TRHDE: variants seen among roughly 807,000 people sequenced by gnomAD.
The protein encoded by TRHDE is thyrotropin releasing hormone degrading enzyme, also known as thyrotropin-releasing hormone-degrading ectoenzyme.
A neutral mutation model predicts 125.7 loss-of-function variants in TRHDE; 72 were observed. The observed-to-expected ratio is 0.57, with a 90% CI of 0.47 to 0.70. TRHDE has a LOEUF of 0.70. Ranked by LOEUF, TRHDE falls within the 30% of genes least tolerant of loss-of-function variation. The pLI, the probability that TRHDE is intolerant of heterozygous loss-of-function variation, is 0.00. For synonymous variants in TRHDE, 509 were observed against 509.1 expected, an observed-to-expected ratio of 1.00 and a Z score of 0.00; for missense variants, 1,110 against 1,327.1, an observed-to-expected ratio of 0.84 and a Z score of 2.54.
At position 72,514,621 on chromosome 12, in the gene TRHDE, C is replaced by T. The variant is rs555794528; in HGVS notation, c.1722+14986C>T. ...TGGATTCAAGCCTTAACTACACTTA[C>T]TTTTTCTTTTTTTTTTTAATTTATT... is the stretch of plus-strand genomic sequence containing the variant. On this transcript the variant is annotated intron_variant, in intron 6 of 18. Transcript: ENST00000261180. Among the ~76,000 whole-genome samples, 23 of 151,094 alleles carry T rather than the reference C, an allele frequency of 1.5e-4. No homozygotes were observed. The South Asian group carries it at 3.6e-3, about 23-fold the overall frequency.
intron 3 of TRHDE, among the ~76,000 whole-genome samples, chr12:72,432,523 G>C (rs1445774767): frequency 6.6e-6 from 1 of 152,110 alleles, no homozygotes; most frequent in Non-Finnish European, 1.5e-5. Flanking sequence ...GCTGCCTTCA[G>C]CTATTCTCCC....
At chr12:72,635,653 T>G (rs961309024) in intron 15 of TRHDE, among the ~76,000 whole-genome samples, 1 of 151,092 alleles carries the variant, frequency 6.6e-6, no homozygotes, top group Admixed American at 6.6e-5. Context: ...GTTTAAGTCT[T>G]TAATCCATCT....
At chr12:72,511,094 TA>T (rs1440194242) in intron 6 of TRHDE, among the ~76,000 whole-genome samples, 2 of 152,170 alleles carry the variant, frequency 1.3e-5, no homozygotes, top group African/African-American at 4.8e-5. Context: ...TTAAACATTT[TA>T]ATATGAAGTA....
chr12:72,456,357 C>G (rs917066445), intron 3 of TRHDE, among the ~76,000 whole-genome samples: 3 of 152,074 alleles, frequency 2.0e-5, no homozygotes, highest in Non-Finnish European at 4.4e-5. Context: ...CACTTTTGTG[C>G]TCTTGGACCT....
intron 2 of TRHDE, among the ~76,000 whole-genome samples, chr12:72,173,782 C>T (rs552928125): frequency 2.6e-4 from 40 of 152,092 alleles, no homozygotes; most frequent in Non-Finnish European, 3.7e-4. Flanking sequence ...TCTTGCTCTG[C>T]GCGCGCACAC....
chr12:72,317,924 A>G (rs553899818), intron 2 of TRHDE, among the ~76,000 whole-genome samples: 1 of 152,252 alleles, frequency 6.6e-6, no homozygotes, highest in African/African-American at 2.4e-5. Context: ...GAGGCTGAAG[A>G]ACGAGGCACA....
chr12:72,388,779 A>G (rs1872527284), intron 3 of TRHDE, among the ~76,000 whole-genome samples: 1 of 151,966 alleles, frequency 6.6e-6, no homozygotes, highest in African/African-American at 2.4e-5. Context: ...GGAAGAAATA[A>G]TGAGCTTTTG....
At chr12:72,220,354 G>A (rs192649565) in intron 2 of TRHDE, among the ~76,000 whole-genome samples, 11 of 152,246 alleles carry the variant, frequency 7.2e-5, no homozygotes, top group African/African-American at 2.4e-4. Flanking sequence ...GTCTAGGCTT[G>A]CAGCTCTTGT....
At chr12:72,237,247 A>T (rs1262616176) in intron 2 of TRHDE, among the ~76,000 whole-genome samples, 1 of 152,226 alleles carries the variant, frequency 6.6e-6, no homozygotes, top group African/African-American at 2.4e-5. Context: ...GTATATCATT[A>T]TTTAACATAG....
intron 12 of TRHDE, among the ~76,000 whole-genome samples, chr12:72,595,056 T>C (rs1171768783): frequency 7.5e-6 from 1 of 134,190 alleles, no homozygotes; most frequent in Non-Finnish European, 1.5e-5. Context: ...AGGTGGGAAT[T>C]GAACAATGAG....
At chr12:72,129,718 T>A (rs922707959) in intron 2 of TRHDE, among the ~76,000 whole-genome samples, 20 of 152,206 alleles carry the variant, frequency 1.3e-4, no homozygotes, top group Non-Finnish European at 2.9e-4. Flanking sequence ...TACACAAGAC[T>A]TTTATTGGAT....
intron 7 of TRHDE, among the ~76,000 whole-genome samples, chr12:72,550,094 G>A (rs1291846247): frequency 1.3e-5 from 2 of 151,686 alleles, no homozygotes; most frequent in Non-Finnish European, 2.9e-5. Flanking sequence ...TTAGCTAATC[G>A]GGTTGATATT....
At chr12:72,480,232 C>T (rs913778761) in intron 5 of TRHDE, among the ~76,000 whole-genome samples, 4 of 150,500 alleles carry the variant, frequency 2.7e-5, no homozygotes, top group African/African-American at 5.0e-5. Flanking sequence ...CCTGAGGAAT[C>T]ACCACACTGA....
chr12:72,503,142 A>G (rs1878222622), intron 6 of TRHDE, among the ~76,000 whole-genome samples: 1 of 152,200 alleles, frequency 6.6e-6, no homozygotes, highest in South Asian at 2.1e-4. Flanking sequence ...GACATAAATA[A>G]TAACTGCTAA....
At chr12:72,540,642 C>T (rs984072149) in intron 6 of TRHDE, among the ~76,000 whole-genome samples, 15 of 151,300 alleles carry the variant, frequency 9.9e-5, no homozygotes, top group Admixed American at 4.6e-4. Flanking sequence ...CGGGATGGGT[C>T]GATTATACTG....
intron 12 of TRHDE, among the ~76,000 whole-genome samples, chr12:72,597,107 A>T (rs746718488): frequency 1.3e-5 from 2 of 152,172 alleles, no homozygotes; most frequent in Non-Finnish European, 2.9e-5. Context: ...CCATATTTGA[A>T]TTATATCACT....
chr12:72,637,500 TC>T lies in TRHDE; in HGVS notation c.2676-14820del, dbSNP rs1472713343. On this transcript the variant is annotated intron_variant, in intron 15 of 18. Transcript: ENST00000261180. Reference sequence around the variant, plus strand: ...TTGAAGGGTTTTTTGTGTCTCTATGTCCTTCAGTTCTGCTCTGATTTTAGTT... The same window carrying T: ...TTGAAGGGTTTTTTGTGTCTCTATGTCTTCAGTTCTGCTCTGATTTTAGTT... Among the ~76,000 whole-genome samples the T allele has an allele frequency of 3.3e-5, 5 of 152,238 alleles. No homozygotes were observed. In the East Asian group the frequency reaches 9.7e-4, roughly 29 times the overall value.
At chr12:72,418,155 C>T (rs991403152) in intron 3 of TRHDE, among the ~76,000 whole-genome samples, 1 of 152,034 alleles carries the variant, frequency 6.6e-6, no homozygotes, top group Non-Finnish European at 1.5e-5. Context: ...AATCAAAATT[C>T]GTTCTCAAGA....
intron 12 of TRHDE, among the ~76,000 whole-genome samples, chr12:72,597,318 T>C (rs1871983017): frequency 6.6e-6 from 1 of 152,166 alleles, no homozygotes; most frequent in South Asian, 2.1e-4. Flanking sequence ...TTGGTAATTA[T>C]TAGCAATGTC....
Sources: allele counts gnomAD v4.1 joint callset (sites outside exome capture counted in the v4.1 genomes callset), GRCh38; gene constraint gnomAD v4.1.1; transcripts MANE v1.5; gene names NCBI Gene and HGNC (gene_info 2026-07-23, HGNC 2026-07-21).